AP4S1: variants seen among roughly 807,000 people sequenced by gnomAD.
The protein encoded by AP4S1 is AP-4 complex subunit sigma-1.
In AP4S1, 23 loss-of-function variants were observed where a neutral mutation model predicts 19.8. That is an observed-to-expected ratio of 1.16 (90% CI 0.84 to 1.65). The LOEUF is 1.65. Ranked by LOEUF, AP4S1 falls within the 40% of genes most tolerant of loss-of-function variation. The probability of loss-of-function intolerance (pLI) is 0.00; values close to 1 mark genes in which losing one functional copy is unlikely to be tolerated. For missense variants in AP4S1, 166 were observed against 172.8 expected (o/e 0.96, Z 0.22); for synonymous variants, 46 against 54.1 (o/e 0.85, Z 0.66).
intron 5 of AP4S1, among the ~76,000 whole-genome samples, chr14:31,087,925 T>C (rs1366327041): frequency 1.3e-5 from 2 of 152,180 alleles, no homozygotes; most frequent in Middle Eastern, 3.2e-3. Flanking sequence ...TTTGAAAATA[T>C]TAAATGGAAA....
chr14:31,046,814 C>T (rs1450556677), intron 1 of AP4S1, among the ~76,000 whole-genome samples: 1 of 150,322 alleles, frequency 6.7e-6, no homozygotes, highest in East Asian at 1.9e-4. Context: ...CCACTGCACT[C>T]CAGCCTGGGC....
intron 2 of AP4S1, among the ~76,000 whole-genome samples, chr14:31,066,706 A>G (rs977931316): frequency 5.9e-5 from 9 of 152,182 alleles, no homozygotes; most frequent in African/African-American, 2.2e-4. Flanking sequence ...CTATAAGCCA[A>G]AAAATGAAGA....
At chr14:31,091,278 T>C (rs1413798357) in intron 5 of AP4S1, among the ~76,000 whole-genome samples, 1 of 152,182 alleles carries the variant, frequency 6.6e-6, no homozygotes, top group African/African-American at 2.4e-5. Context: ...AGGCTTTCAT[T>C]GCCCTTAGTG....
intron 4 of AP4S1, among the ~76,000 whole-genome samples, chr14:31,079,871 GAGA>G (rs1334932412): frequency 6.0e-5 from 8 of 132,696 alleles, no homozygotes; most frequent in Admixed American, 2.5e-4. Context: ...TTTTTTAAGT[GAGA>G]AGAAGATCAT....
intron 1 of AP4S1, chr14:31,026,269 C>A: frequency 7.7e-7 from 1 of 1,306,466 alleles, no homozygotes. Context: ...GCGCTGGCTG[C>A]GGGGCGGAGG....
chr14:31,055,348 A>G (rs1886047661), intron 1 of AP4S1, among the ~76,000 whole-genome samples: 1 of 152,156 alleles, frequency 6.6e-6, no homozygotes, highest in South Asian at 2.1e-4. Flanking sequence ...ACCAGGGAAA[A>G]GACAACATGT....
At chr14:31,056,365 C>CA (rs1566525569) in intron 1 of AP4S1, among the ~76,000 whole-genome samples, 1 of 146,140 alleles carries the variant, frequency 6.8e-6, no homozygotes, top group Non-Finnish European at 1.5e-5. Context: ...TCTTTTCTTT[C>CA]TTTTTTTTTT....
At chr14:31,060,667 G>C (rs1252165775) in intron 1 of AP4S1, among the ~76,000 whole-genome samples, 1 of 152,208 alleles carries the variant, frequency 6.6e-6, no homozygotes, top group Admixed American at 6.5e-5. Context: ...GCTTGACTTA[G>C]CTGCTTAGCT....
intron 3 of AP4S1, 24 bp from the exon 4 acceptor site, chr14:31,072,881 T>C (rs1406306669): frequency 1.3e-6 from 2 of 1,592,698 alleles, no homozygotes; most frequent in Non-Finnish European, 1.7e-6. Context: ...TAAAATTGAT[T>C]GTACCTTTCT....
intron 5 of AP4S1, among the ~76,000 whole-genome samples, chr14:31,090,659 A>C (rs1210434365): frequency 6.6e-6 from 1 of 152,192 alleles, no homozygotes; most frequent in African/African-American, 2.4e-5. Flanking sequence ...TGTTTATTCC[A>C]TGGGCTTAGC....
chr14:31,062,451 A>G (rs1042950160), intron 1 of AP4S1, among the ~76,000 whole-genome samples: 1 of 152,094 alleles, frequency 6.6e-6, no homozygotes, highest in Admixed American at 6.6e-5. Context: ...AGGGTTCTCA[A>G]CCTACAGCCC....
At chr14:31,045,310 C>T (rs1429228620) in intron 1 of AP4S1, among the ~76,000 whole-genome samples, 1 of 152,168 alleles carries the variant, frequency 6.6e-6, no homozygotes, top group Admixed American at 6.6e-5. Flanking sequence ...TTTGTGTCCC[C>T]ACTCAAATCT....
rs1886720302 is a variant in AP4S1, at chr14:31,066,409, G to A, written c.138+75G>A. On this transcript the variant is annotated intron_variant, in intron 2 of 5. Coordinates refer to ENST00000542754, the MANE Select transcript of AP4S1 (RefSeq NM_001128126.3). ...AGATTTGTTATTAGTGAGTCTCAGG[G>A]GCCATCATTTTCTTTGAGCTATATT... 9.5e-6 allele frequency: 15 copies of A among 1,579,334 alleles called. No homozygotes were observed. The East Asian group carries it at 3.1e-4, about 33-fold the overall frequency.
At chr14:31,066,625 C>T (rs1371555838) in intron 2 of AP4S1, among the ~76,000 whole-genome samples, 1 of 152,194 alleles carries the variant, frequency 6.6e-6, no homozygotes, top group Non-Finnish European at 1.5e-5. Flanking sequence ...CTAATAGACA[C>T]ACCTCTTCTT....
intron 1 of AP4S1, among the ~76,000 whole-genome samples, chr14:31,037,903 G>A (rs752753017): frequency 1.3e-5 from 2 of 152,210 alleles, no homozygotes; most frequent in Non-Finnish European, 2.9e-5. Context: ...AGTGAGCTAT[G>A]ATCACACCAC....
At chr14:31,085,109 C>G (rs1887863067) in intron 5 of AP4S1, 2 of 1,353,518 alleles carry the variant, frequency 1.5e-6, no homozygotes, top group Non-Finnish European at 1.9e-6. Flanking sequence ...GGGCCCTGTG[C>G]TCTAGAAGGC....
intron 5 of AP4S1, among the ~76,000 whole-genome samples, chr14:31,084,048 C>T (rs1887799374): frequency 6.6e-6 from 1 of 152,206 alleles, no homozygotes; most frequent in Non-Finnish European, 1.5e-5. Flanking sequence ...TGCTTATATC[C>T]ACTCTGCCAG....
chr14:31,076,585 T>A (rs1418325838), intron 4 of AP4S1, among the ~76,000 whole-genome samples: 1 of 152,278 alleles, frequency 6.6e-6, no homozygotes, highest in Non-Finnish European at 1.5e-5. Flanking sequence ...ATATATGATT[T>A]GAAAATATTT....
At chr14:31,079,371 G>A (rs897109352) in intron 4 of AP4S1, among the ~76,000 whole-genome samples, 1 of 152,198 alleles carries the variant, frequency 6.6e-6, no homozygotes, top group Non-Finnish European at 1.5e-5. Context: ...TGTAAACTGT[G>A]GAATTTGGGT....
Sources: gnomAD v4.1 joint callset for allele counts (sites outside exome capture counted in the v4.1 genomes callset) on GRCh38, gnomAD v4.1.1 for gene constraint, MANE v1.5 for transcripts, NCBI Gene and HGNC (gene_info 2026-07-23, HGNC 2026-07-21) for gene names.